ZNF236: variants seen among roughly 807,000 people sequenced by gnomAD.
The protein encoded by ZNF236 is regulated by glucose.
A neutral mutation model predicts 191.2 loss-of-function variants in ZNF236; 50 were observed. The ratio of observed to expected loss-of-function variants is 0.26; its 90% CI spans 0.21 to 0.33. The LOEUF is 0.33. Ranked by LOEUF, ZNF236 falls within the 10% of genes least tolerant of loss-of-function variation. The pLI, the probability that ZNF236 is intolerant of heterozygous loss-of-function variation, is 1.00. For synonymous variants in ZNF236, 907 were observed against 928.8 expected, an observed-to-expected ratio of 0.98 and a Z score of 0.43; for missense variants, 1,754 against 2,374.5, an observed-to-expected ratio of 0.74 and a Z score of 5.43.
intron 19 of ZNF236, among the ~76,000 whole-genome samples, chr18:76,918,235 A>G (rs1210901505): frequency 1.3e-5 from 2 of 152,100 alleles, no homozygotes; most frequent in African/African-American, 4.8e-5. Context: ...ATGAATACTT[A>G]TGCATATAGT....
chr18:76,874,725 TG>T (rs1339603330), intron 5 of ZNF236, among the ~76,000 whole-genome samples: 1 of 152,088 alleles, frequency 6.6e-6, no homozygotes, highest in Non-Finnish European at 1.5e-5. Flanking sequence ...GAGCAAGTCT[TG>T]GGGATACTGG....
intron 3 of ZNF236, among the ~76,000 whole-genome samples, chr18:76,857,567 G>A (rs1422397825): frequency 1.3e-5 from 2 of 152,244 alleles, no homozygotes; most frequent in African/African-American, 4.8e-5. Context: ...AGAGTAGAAG[G>A]CTCGGGGTTT....
Position 76,959,710 on chromosome 18 carries a change from C to T in ZNF236, c.5136C>T (p.Ala1712=), listed in dbSNP as rs750029753. 1.7e-5 allele frequency: 27 copies of T among 1,613,392 alleles called. No homozygotes were observed. The highest frequency in any genetic ancestry group is 1.1e-4 in the South Asian group (10 of 90,894). The part of the protein sequence containing the change: ...HLKEHMQTHQ[A]GPSLSSQKPR... ...AGGAGCACATGCAGACACACCAGGCCGGCCCCTCTTTGAGCTCCCAGAAGC... is the reference window on the plus strand; with the variant it reads ...AGGAGCACATGCAGACACACCAGGCTGGCCCCTCTTTGAGCTCCCAGAAGC... Residue 1712 remains alanine (A), a synonymous_variant, in exon 29 of 31, where the codon GCC becomes GCT. Transcript: ENST00000320610.
At position 76,881,420 on chromosome 18, in the gene ZNF236, C is replaced by G; in HGVS notation, c.1325C>G (p.Thr442Arg). 6.2e-7 allele frequency: 1 copy of G among 1,613,884 alleles called. No homozygotes were observed. The highest frequency in any genetic ancestry group is 1.1e-5 in the South Asian group (1 of 91,072). Residue 442 changes from threonine to arginine, a missense_variant, in exon 9 of 31, where the codon ACA (threonine) becomes AGA (arginine). Coordinates refer to ENST00000320610, the MANE Select transcript of ZNF236 (RefSeq NM_001306089.2). Reference protein sequence around the residue: ...SSVSNEQTDPTDAEQEKEQES... With the variant: ...SSVSNEQTDPRDAEQEKEQES... The stretch of plus-strand genomic sequence containing the variant: ...GTTTCAAATGAGCAGACGGACCCCA[C>G]AGACGCAGAGCAAGAAAAAGAACAG...
At chr18:76,918,599 A>AT (rs1369022450) in intron 19 of ZNF236, among the ~76,000 whole-genome samples, 3 of 151,710 alleles carry the variant, frequency 2.0e-5, no homozygotes, top group Non-Finnish European at 2.9e-5. Flanking sequence ...ATTTAAAAAA[A>AT]TTTTTTTTTG....
At chr18:76,954,596 GAC>G (rs370773871) in intron 27 of ZNF236, among the ~76,000 whole-genome samples, 72 of 152,258 alleles carry the variant, frequency 4.7e-4, no homozygotes, top group African/African-American at 1.6e-3. Flanking sequence ...TTCACATGTA[GAC>G]ACACACCTGA....
Position 76,927,167 on chromosome 18 carries a change from T to C in ZNF236, c.4158T>C (p.Asn1386=). 1 of 1,614,066 alleles carries C rather than the reference T, an allele frequency of 6.2e-7. No homozygotes were observed. Among genetic ancestry groups the C allele is most frequent in the Non-Finnish European group, 8.5e-7 (1 of 1,179,894 alleles). Residue 1386 remains asparagine (N), a synonymous_variant, in exon 23 of 31, where the codon AAT becomes AAC. Coordinates refer to ENST00000320610, the MANE Select transcript of ZNF236 (RefSeq NM_001306089.2). This position sits in a 1 kb window ranked among gnomAD's most constrained non-coding sequence, Gnocchi z 5.4. The part of the protein sequence containing the change: ...QISGIDAASI[N]NITLQIDPSI... ...CTGGAATCGATGCTGCCAGCATTAA[T>C]AACATTACGTTGCAGGTATGACACC...
intron 17 of ZNF236, among the ~76,000 whole-genome samples, chr18:76,912,861 C>T (rs9962812): frequency 0.026 from 3,969 of 152,322 alleles, 154 homozygotes; most frequent in African/African-American, 0.088. Flanking sequence ...CCACATTGGC[C>T]AGGCTGGTCT....
intron 17 of ZNF236, among the ~76,000 whole-genome samples, chr18:76,913,471 C>A (rs950471426): frequency 6.6e-6 from 1 of 152,178 alleles, no homozygotes; most frequent in Non-Finnish European, 1.5e-5. Flanking sequence ...AATATTATGT[C>A]TGCTGGGGAG....
intron 11 of ZNF236, among the ~76,000 whole-genome samples, chr18:76,901,752 C>CT (rs1977600395): frequency 6.6e-6 from 1 of 151,292 alleles, no homozygotes; most frequent in Non-Finnish European, 1.5e-5. Flanking sequence ...CAGTGAAACT[C>CT]TGTCTCAAAA....
At chr18:76,860,348 T>G (rs1376497548) in intron 3 of ZNF236, among the ~76,000 whole-genome samples, 1 of 152,252 alleles carries the variant, frequency 6.6e-6, no homozygotes, top group Admixed American at 6.5e-5. Context: ...TTTACCGTTT[T>G]CCATTCTGAA....
chr18:76,875,460 AT>A lies in ZNF236; in HGVS notation c.668-30del, dbSNP rs757416164. 13 of 1,468,746 alleles carry A rather than the reference AT, an allele frequency of 8.9e-6. No individual in the cohort carries two copies. In the South Asian group the frequency reaches 1.8e-4, roughly 20 times the overall value. The allele number at this position is 1,468,746 out of a possible 1,614,324, so 91.0% of individuals were successfully genotyped here. On this transcript the variant is annotated intron_variant, in intron 5 of 30. Coordinates refer to ENST00000320610, the MANE Select transcript of ZNF236 (RefSeq NM_001306089.2). This position sits in a 1 kb window ranked among gnomAD's most constrained non-coding sequence, Gnocchi z 4.3. ...CCGTAAGATGCCCATACAATATGGA[AT>A]TATATTTTGATCATTTTTCTCCCAC...
chr18:76,829,201 C>G (rs1377773598), intron 1 of ZNF236, among the ~76,000 whole-genome samples: 1 of 152,288 alleles, frequency 6.6e-6, no homozygotes, highest in Non-Finnish European at 1.5e-5. Flanking sequence ...TCTCTGCTTT[C>G]AAGAAAGTAG....
At chr18:76,837,437 C>CTTTTTTT (rs71760598) in intron 1 of ZNF236, among the ~76,000 whole-genome samples, 426 of 105,772 alleles carry the variant, frequency 4.0e-3, no homozygotes, top group Non-Finnish European at 5.0e-3. Flanking sequence ...TTTTCTTTTT[C>CTTTTTTT]TTTTTTTTTT....
chr18:76,830,224 C>T (rs1328654193), intron 1 of ZNF236, among the ~76,000 whole-genome samples: 2 of 152,140 alleles, frequency 1.3e-5, no homozygotes, highest in Non-Finnish European at 2.9e-5. Context: ...GTATTTTTTT[C>T]TGGCTTGATT....
chr18:76,838,504 G>T (rs1358766914), intron 1 of ZNF236, among the ~76,000 whole-genome samples: 1 of 152,170 alleles, frequency 6.6e-6, no homozygotes. Flanking sequence ...ACAGTGTAGT[G>T]CAGGAGTTGG....
At chr18:76,942,838 T>C (rs1968164240) in intron 26 of ZNF236, among the ~76,000 whole-genome samples, 1 of 149,006 alleles carries the variant, frequency 6.7e-6, no homozygotes, top group African/African-American at 2.5e-5. Context: ...AATGGGCAAA[T>C]TTGGCTGGGT....
intron 9 of ZNF236, 132 bp downstream of exon 9, chr18:76,881,644 G>A: frequency 1.3e-6 from 1 of 787,380 alleles, no homozygotes; most frequent in African/African-American, 1.7e-5. Flanking sequence ...AGCTGTAGTT[G>A]GTTGGTATTT....
chr18:76,946,690 C>T (rs1262249649), intron 26 of ZNF236, among the ~76,000 whole-genome samples: 1 of 152,228 alleles, frequency 6.6e-6, no homozygotes, highest in East Asian at 1.9e-4. Context: ...TTCCTCTCTG[C>T]TCTTGTGCCC....
Sources: allele counts gnomAD v4.1 joint callset (sites outside exome capture counted in the v4.1 genomes callset), GRCh38; gene constraint gnomAD v4.1.1; non-coding constraint Gnocchi (gnomAD v3.1); transcripts MANE v1.5; gene names NCBI Gene and HGNC (gene_info 2026-07-23, HGNC 2026-07-21).